Variants in PAPPA observed in about 807,000 individuals in gnomAD.
PAPPA encodes pappalysin 1.
Under a neutral mutation model 164.0 loss-of-function variants are expected in PAPPA, and 60 were observed. That is an observed-to-expected ratio of 0.37 (90% CI 0.30 to 0.45). The LOEUF (loss-of-function observed/expected upper bound fraction) is 0.45, where lower values mean the gene tolerates loss of function less well. PAPPA is among the 20% of genes least tolerant of loss of function. PAPPA has a pLI of 1.00. For missense variants in PAPPA, 1,782 were observed against 2,087.3 expected (o/e 0.85, Z 2.85); for synonymous variants, 875 against 814.1 (o/e 1.07, Z -1.27).
chr9:116,332,097 C>T (rs1394763116), intron 11 of PAPPA, among the ~76,000 whole-genome samples: 6 of 152,130 alleles, frequency 3.9e-5, no homozygotes, highest in African/African-American at 1.2e-4. Flanking sequence ...CAGCCATTCA[C>T]TCAATGTCAC....
intron 9 of PAPPA, among the ~76,000 whole-genome samples, chr9:116,278,110 G>C (rs923656588): frequency 2.0e-5 from 3 of 151,904 alleles, no homozygotes; most frequent in African/African-American, 4.8e-5. Context: ...CATAGCAGAC[G>C]TGAGATTCAC....
rs773244397 is a variant in PAPPA at position 116,302,986 on chromosome 9, C to T, written c.3147+36C>T. ...AACCATGTGTGGCATTTCCTGCAGA[C>T]ATTCAAAGTCTCCGCTATGCCCCAC... On this transcript the variant is annotated intron_variant, in intron 10 of 21. Transcript: ENST00000328252. 10 of 1,580,608 alleles carry T rather than the reference C, an allele frequency of 6.3e-6. No homozygotes were observed. In the East Asian group the frequency reaches 2.2e-4, roughly 35 times the overall value.
At chr9:116,159,999 A>G (rs536720836) in intron 1 of PAPPA, among the ~76,000 whole-genome samples, 88 of 152,272 alleles carry the variant, frequency 5.8e-4, no homozygotes, top group Non-Finnish European at 8.1e-4. Context: ...CCAGCTTTTA[A>G]AACATCCTTC....
intron 6 of PAPPA, among the ~76,000 whole-genome samples, chr9:116,232,042 C>A (rs1844605250): frequency 6.6e-6 from 1 of 152,106 alleles, no homozygotes; most frequent in Admixed American, 6.5e-5. Context: ...GCATGAGCCA[C>A]CGCACCTGGC....
chr9:116,365,349 C>T (rs1321752227), intron 18 of PAPPA, among the ~76,000 whole-genome samples: 1 of 152,064 alleles, frequency 6.6e-6, no homozygotes, highest in South Asian at 2.1e-4. Context: ...CCGCGCCTCC[C>T]GGGAAGGAGA....
At chr9:116,233,738 A>G (rs1048481149) in intron 6 of PAPPA, among the ~76,000 whole-genome samples, 1 of 152,172 alleles carries the variant, frequency 6.6e-6, no homozygotes, top group Non-Finnish European at 1.5e-5. Context: ...TTTTCACTCC[A>G]AATAACTTTC....
chr9:116,372,734 G>A (rs1343424876), intron 19 of PAPPA, among the ~76,000 whole-genome samples: 1 of 152,178 alleles, frequency 6.6e-6, no homozygotes, highest in Non-Finnish European at 1.5e-5. Context: ...GGCGGAAAGA[G>A]AGGGAGGGAA....
chr9:116,227,337 G>A (rs945809371), intron 5 of PAPPA, 94 bp from the exon 6 acceptor site: 2 of 1,298,038 alleles, frequency 1.5e-6, no homozygotes, highest in African/African-American at 1.5e-5. Context: ...GATTTGTTGT[G>A]TCCTCTGCCC....
intron 18 of PAPPA, among the ~76,000 whole-genome samples, chr9:116,365,324 G>C (rs1379209995): frequency 6.6e-6 from 1 of 152,098 alleles, no homozygotes; most frequent in East Asian, 1.9e-4. Flanking sequence ...GCTGCCACCA[G>C]GGCTGCCACC....
At chr9:116,359,542 G>T (rs1026365443) in intron 17 of PAPPA, among the ~76,000 whole-genome samples, 1 of 152,216 alleles carries the variant, frequency 6.6e-6, no homozygotes, top group Non-Finnish European at 1.5e-5. Context: ...CCAGGTTGGA[G>T]CTTCAGTGAT....
intron 7 of PAPPA, among the ~76,000 whole-genome samples, chr9:116,264,304 A>T (rs1223166109): frequency 6.6e-6 from 1 of 152,172 alleles, no homozygotes; most frequent in African/African-American, 2.4e-5. Flanking sequence ...AACAACCATC[A>T]CTCATGCATA....
chr9:116,236,128 G>T (rs1844662219), intron 7 of PAPPA, among the ~76,000 whole-genome samples: 2 of 152,244 alleles, frequency 1.3e-5, no homozygotes, highest in South Asian at 4.1e-4. Context: ...CAAAAATTGT[G>T]CTGGAAAGTG....
intron 10 of PAPPA, among the ~76,000 whole-genome samples, chr9:116,330,111 G>C (rs1308480097): frequency 6.6e-6 from 1 of 152,040 alleles, no homozygotes; most frequent in Non-Finnish European, 1.5e-5. Context: ...GGGCTCTCCA[G>C]GTCAGCCGTA....
At chr9:116,303,821 T>C (rs1241179153) in intron 10 of PAPPA, among the ~76,000 whole-genome samples, 1 of 152,202 alleles carries the variant, frequency 6.6e-6, no homozygotes. Flanking sequence ...AGATATGACC[T>C]TCCTCTGGGG....
chr9:116,297,256 C>T (rs572129447), intron 9 of PAPPA, among the ~76,000 whole-genome samples: 1 of 152,198 alleles, frequency 6.6e-6, no homozygotes, highest in South Asian at 2.1e-4. Flanking sequence ...TTAAATTATC[C>T]CACTATCCTA....
intron 9 of PAPPA, chr9:116,286,852 A>G (rs1180730832): frequency 6.6e-6 from 1 of 152,100 alleles, no homozygotes; most frequent in Non-Finnish European, 1.5e-5. Flanking sequence ...TGTCCTCATA[A>G]CAGTTGGGAA....
intron 9 of PAPPA, among the ~76,000 whole-genome samples, chr9:116,289,396 C>CTA (rs201695338): frequency 3.2e-4 from 23 of 71,616 alleles, no homozygotes; most frequent in African/African-American, 8.8e-4. Flanking sequence ...GTATATATAG[C>CTA]TATATATATA....
intron 10 of PAPPA, among the ~76,000 whole-genome samples, chr9:116,311,216 G>T (rs956014888): frequency 4.6e-5 from 7 of 152,084 alleles, no homozygotes; most frequent in Non-Finnish European, 1.0e-4. Context: ...GTTATAAAAT[G>T]ATTCTGGTAT....
At chr9:116,180,051 G>T (rs969611920) in intron 1 of PAPPA, among the ~76,000 whole-genome samples, 4 of 152,034 alleles carry the variant, frequency 2.6e-5, no homozygotes, top group Admixed American at 2.0e-4. Flanking sequence ...GTCTGAAACT[G>T]CCTTTTACCC....
Sources: gnomAD v4.1 joint callset for allele counts (sites outside exome capture counted in the v4.1 genomes callset) on GRCh38, gnomAD v4.1.1 for gene constraint, MANE v1.5 for transcripts, NCBI Gene and HGNC (gene_info 2026-07-23, HGNC 2026-07-21) for gene names.